Variants in MRPS27 observed in about 807,000 individuals in gnomAD.
The protein encoded by MRPS27 is mitochondrial ribosomal protein S27.
Under a neutral mutation model 48.9 loss-of-function variants are expected in MRPS27, and 43 were observed. The observed-to-expected ratio is 0.88, with a 90% CI of 0.69 to 1.13. The LOEUF (loss-of-function observed/expected upper bound fraction) is 1.13, where lower values mean the gene tolerates loss of function less well. Ranked by LOEUF, MRPS27 falls within the 50% of genes most tolerant of loss-of-function variation. The pLI, the probability that MRPS27 is intolerant of heterozygous loss-of-function variation, is 0.00. For synonymous variants in MRPS27, 188 were observed against 171.9 expected, an observed-to-expected ratio of 1.09 and a Z score of -0.73; for missense variants, 467 against 476.3, an observed-to-expected ratio of 0.98 and a Z score of 0.18.
At position 72,223,862 on chromosome 5, in the gene MRPS27, A is replaced by G; in HGVS notation, c.838-12T>C. 1 of 1,610,964 alleles carries G rather than the reference A, an allele frequency of 6.2e-7. No homozygotes were observed. The highest frequency in any genetic ancestry group is 8.5e-7 in the Non-Finnish European group (1 of 1,177,836). ...CCCAGCACATCGAGCTGTGGAGCAGAAAGAGGGTCAGCAACCAAATGTTTT... is the reference window on the plus strand; with the variant it reads ...CCCAGCACATCGAGCTGTGGAGCAGGAAGAGGGTCAGCAACCAAATGTTTT... On this transcript the variant is annotated splice_polypyrimidine_tract_variant and intron_variant, in intron 9 of 10. Coordinates refer to ENST00000261413, the MANE Select transcript of MRPS27 (RefSeq NM_015084.3).
intron 2 of MRPS27, among the ~76,000 whole-genome samples, chr5:72,311,926 A>T (rs1053660949): frequency 6.6e-6 from 1 of 152,234 alleles, no homozygotes; most frequent in South Asian, 2.1e-4. Flanking sequence ...TGACACCAGG[A>T]GTTCAAGACC....
intron 1 of MRPS27, among the ~76,000 whole-genome samples, chr5:72,317,712 G>C (rs1332657792): frequency 6.8e-6 from 1 of 147,380 alleles, no homozygotes; most frequent in African/African-American, 2.5e-5. Flanking sequence ...TTTTGAGATG[G>C]AGTATCTCTC....
At chr5:72,224,154 G>C (rs1231189835) in intron 9 of MRPS27, among the ~76,000 whole-genome samples, 1 of 151,618 alleles carries the variant, frequency 6.6e-6, no homozygotes, top group Non-Finnish European at 1.5e-5. Flanking sequence ...CTTGAGCCCA[G>C]GAGTTTGAGA....
intron 5 of MRPS27, 139 bp downstream of exon 5, chr5:72,237,875 T>C: frequency 1.7e-6 from 1 of 592,964 alleles, no homozygotes; most frequent in Middle Eastern, 4.1e-4. Flanking sequence ...CCCAGCTCCA[T>C]TCTGTTAATA....
intron 4 of MRPS27, among the ~76,000 whole-genome samples, chr5:72,266,007 C>G (rs1199042655): frequency 6.6e-6 from 1 of 151,980 alleles, no homozygotes; most frequent in African/African-American, 2.4e-5. Context: ...AATTTGAATA[C>G]AGATGCTAGA....
At chr5:72,308,633 C>T (rs1045193142) in intron 2 of MRPS27, among the ~76,000 whole-genome samples, 6 of 152,242 alleles carry the variant, frequency 3.9e-5, no homozygotes, top group African/African-American at 9.6e-5. Context: ...GGGCGCTCTC[C>T]CTACCATGCG....
chr5:72,280,839 C>A (rs1749515285), intron 4 of MRPS27, among the ~76,000 whole-genome samples: 1 of 152,222 alleles, frequency 6.6e-6, no homozygotes, highest in Non-Finnish European at 1.5e-5. Flanking sequence ...TTTCTTGAGG[C>A]TTCTTCTCCC....
At chr5:72,245,832 C>T (rs552116335) in intron 4 of MRPS27, among the ~76,000 whole-genome samples, 2 of 152,242 alleles carry the variant, frequency 1.3e-5, no homozygotes, top group East Asian at 3.9e-4. Context: ...AAGAGAAGCT[C>T]AGTACTAATC....
chr5:72,306,843 G>A (rs573453207), intron 2 of MRPS27, among the ~76,000 whole-genome samples: 8 of 152,198 alleles, frequency 5.3e-5, no homozygotes, highest in Non-Finnish European at 1.2e-4. Flanking sequence ...CTGGTGAACA[G>A]GTGGGGAGTT....
intron 4 of MRPS27, among the ~76,000 whole-genome samples, chr5:72,248,418 G>C (rs1290327323): frequency 2.0e-5 from 3 of 152,066 alleles, no homozygotes; most frequent in African/African-American, 7.2e-5. Context: ...GCATAAAAAA[G>C]CCATACTTTA....
intron 4 of MRPS27, among the ~76,000 whole-genome samples, chr5:72,286,358 G>A (rs1276954680): frequency 6.6e-6 from 1 of 152,108 alleles, no homozygotes; most frequent in Non-Finnish European, 1.5e-5. Flanking sequence ...AAAAACTACA[G>A]TCATCAAGAC....
chr5:72,310,521 T>G lies in MRPS27; in HGVS notation c.151+3560A>C, dbSNP rs80328854. Among the ~76,000 whole-genome samples the G allele has an allele frequency of 6.1e-3, 925 of 152,234 alleles. 9 individuals carry two copies. Among genetic ancestry groups the G allele is most frequent in the African/African-American group, 0.021 (877 of 41,554 alleles). On this transcript the variant is annotated intron_variant, in intron 2 of 10. Coordinates refer to ENST00000261413, the MANE Select transcript of MRPS27 (RefSeq NM_015084.3). ...TGAATCATTTAAAAAATTCACAAAT[T>G]GATGATTTAAACATAATGCATGATA...
intron 7 of MRPS27, among the ~76,000 whole-genome samples, chr5:72,230,021 G>A (rs1481403650): frequency 6.6e-6 from 1 of 152,108 alleles, no homozygotes; most frequent in African/African-American, 2.4e-5. Context: ...GAGTAGCTAG[G>A]ACTATAGGCA....
At chr5:72,292,612 G>T (rs1436501385) in intron 4 of MRPS27, among the ~76,000 whole-genome samples, 1 of 152,192 alleles carries the variant, frequency 6.6e-6, no homozygotes, top group East Asian at 1.9e-4. Flanking sequence ...TTACTTGTGT[G>T]CCTGATGCAA....
chr5:72,265,226 T>G (rs1321735145), intron 4 of MRPS27, among the ~76,000 whole-genome samples: 1 of 152,216 alleles, frequency 6.6e-6, no homozygotes, highest in East Asian at 1.9e-4. Flanking sequence ...AGGCCACATA[T>G]GACCAATGTA....
rs530541530 is a variant in MRPS27, at chr5:72,315,127, T to C, written c.74-969A>G. 5.3e-5 allele frequency among the ~76,000 whole-genome samples: 8 copies of C among 152,288 alleles called. No homozygotes were observed. The South Asian group carries it at 8.3e-4, about 16-fold the overall frequency. On this transcript the variant is annotated intron_variant, in intron 1 of 10. Coordinates refer to ENST00000261413, the MANE Select transcript of MRPS27 (RefSeq NM_015084.3). ...ATCAAAATTTAAAACTTTTGTGCTT[T>C]GAAGTACAATCTCAGGAAAGTGAAA... is the stretch of plus-strand genomic sequence containing the variant.
chr5:72,225,513 A>G (rs1425657959), intron 9 of MRPS27, among the ~76,000 whole-genome samples: 1 of 152,162 alleles, frequency 6.6e-6, no homozygotes, highest in African/African-American at 2.4e-5. Context: ...AAGAGGCATG[A>G]GCTTTGGGGC....
chr5:72,289,390 A>G (rs1331085392), intron 4 of MRPS27, among the ~76,000 whole-genome samples: 2 of 152,138 alleles, frequency 1.3e-5, no homozygotes, highest in Non-Finnish European at 2.9e-5. Context: ...CATGTTTGCT[A>G]AAAACTAAAA....
At chr5:72,249,271 C>CT (rs1320419315) in intron 4 of MRPS27, among the ~76,000 whole-genome samples, 1 of 152,208 alleles carries the variant, frequency 6.6e-6, no homozygotes, top group South Asian at 2.1e-4. Flanking sequence ...AAGCTCCTCT[C>CT]TTCTGCATTT....
Sources: allele counts gnomAD v4.1 joint callset (sites outside exome capture counted in the v4.1 genomes callset), GRCh38; gene constraint gnomAD v4.1.1; transcripts MANE v1.5; gene names NCBI Gene and HGNC (gene_info 2026-07-23, HGNC 2026-07-21).